The following TMEM100 variants were observed in gnomAD, a reference collection of about 807,000 sequenced individuals.
The protein encoded by TMEM100 is transmembrane protein 100.
For synonymous variants in TMEM100, 61 were observed against 67.1 expected, an observed-to-expected ratio of 0.91 and a Z score of 0.44; for missense variants, 137 against 168.2, an observed-to-expected ratio of 0.81 and a Z score of 1.02.
rs760927413 is a variant in TMEM100, at chr17:55,721,122, C to T, written c.-52G>A. 16 of 1,538,672 alleles carry T rather than the reference C, an allele frequency of 1.0e-5. No individual in the cohort carries two copies. Among genetic ancestry groups the T allele is most frequent in the East Asian group, 9.0e-5 (4 of 44,338 alleles). On this transcript the variant is annotated 5_prime_UTR_variant, in exon 2 of 2. Transcript: ENST00000424486. ...TTTACAGACTAGATCTGGACAGTCT[C>T]ACCAGGGTGAAAGCTGTGAAGATAA...
upstream of TMEM100, among the ~76,000 whole-genome samples, chr17:55,726,483 C>T (rs888870839): frequency 6.6e-6 from 1 of 152,208 alleles, no homozygotes; most frequent in African/African-American, 2.4e-5. Flanking sequence ...CTGGCAATTT[C>T]TCCTCTGGGA....
intron 1 of TMEM100, among the ~76,000 whole-genome samples, chr17:55,729,975 T>C (rs1909164406): frequency 6.6e-6 from 1 of 152,212 alleles, no homozygotes; most frequent in Non-Finnish European, 1.5e-5. Flanking sequence ...GTCTTGCCAC[T>C]TCACATATGG....
chr17:55,724,031 A>G (rs1377246304), upstream of TMEM100, among the ~76,000 whole-genome samples: 1 of 152,240 alleles, frequency 6.6e-6, no homozygotes, highest in African/African-American at 2.4e-5. Flanking sequence ...TTAAAAGTTT[A>G]CATCCTCCAT....
In TMEM100 at chr17:55,721,023, G is replaced by A; in HGVS notation, c.48C>T (p.His16=). The change falls in exon 2 of 2, where the codon CAC becomes CAT. Residue 16 remains histidine (H), a synonymous_variant. Coordinates refer to ENST00000424486, the MANE Select transcript of TMEM100 (RefSeq NM_018286.3). ...GGCTCTTCTCCATCGTCGCTGCCATGTGAGCCTTTGGGGCTCCCAGGATCT... is the reference window on the plus strand; with the variant it reads ...GGCTCTTCTCCATCGTCGCTGCCATATGAGCCTTTGGGGCTCCCAGGATCT... ...IKEILGAPKA[H]MAATMEKSPK... 1 of 1,613,970 alleles carries A rather than the reference G, an allele frequency of 6.2e-7. No individual in the cohort carries two copies. The highest frequency in any genetic ancestry group is 8.5e-7 in the Non-Finnish European group (1 of 1,179,934).
chr17:55,721,352 A>G (rs955612058), intron 1 of TMEM100: 2 of 379,504 alleles, frequency 5.3e-6, no homozygotes, highest in Non-Finnish European at 9.4e-6. Flanking sequence ...AGCAGGAAGC[A>G]CTTACAGTGT....
chr17:55,731,374 T>C (rs1567924600), intron 1 of TMEM100, among the ~76,000 whole-genome samples: 3 of 152,188 alleles, frequency 2.0e-5, no homozygotes, highest in Non-Finnish European at 2.9e-5. Flanking sequence ...CAATTAAAAT[T>C]AGCCATTAAC....
chr17:55,721,173 G>C (rs1908874366), intron 1 of TMEM100, 38 bp from the exon 2 acceptor site: 3 of 1,352,052 alleles, frequency 2.2e-6, no homozygotes, highest in Middle Eastern at 4.9e-4. Context: ...ACATGTATCA[G>C]AATGTACACC....
chr17:55,731,214 A>T (rs1909197570), intron 1 of TMEM100, among the ~76,000 whole-genome samples: 1 of 152,124 alleles, frequency 6.6e-6, no homozygotes, highest in Admixed American at 6.6e-5. Flanking sequence ...AGTTTGCAAA[A>T]CTTTCTTTAC....
At chr17:55,727,105 T>A (rs1428166300), upstream of TMEM100, among the ~76,000 whole-genome samples, 2 of 152,088 alleles carry the variant, frequency 1.3e-5, no homozygotes, top group Admixed American at 6.6e-5. Flanking sequence ...CACATAAACA[T>A]AAAAAAATAG....
At position 55,720,610 on chromosome 17, in the gene TMEM100, T is replaced by C; in HGVS notation, c.*56A>G. ...CCACCATGGTTCTGGGTGAATTGGG[T>C]GACAAAGTCAGAGCACGTTTTCCAG... On this transcript the variant is annotated 3_prime_UTR_variant, in exon 2 of 2. Coordinates refer to ENST00000424486, the MANE Select transcript of TMEM100 (RefSeq NM_018286.3). 6.5e-7 allele frequency: 1 copy of C among 1,531,182 alleles called. No homozygotes were observed. The allele number at this position is 1,531,182 out of a possible 1,614,324, so 94.8% of individuals were successfully genotyped here.
At chr17:55,721,487 A>G (rs1908885932) in intron 1 of TMEM100, 1 of 165,096 alleles carries the variant, frequency 6.1e-6, no homozygotes, top group Non-Finnish European at 1.3e-5. Context: ...TCAAGAGGAG[A>G]ATACATTACA....
intron 1 of TMEM100, among the ~76,000 whole-genome samples, chr17:55,731,511 GAAAAAAAAATCCT>G (rs977654380): frequency 6.6e-6 from 1 of 150,718 alleles, no homozygotes; most frequent in African/African-American, 2.4e-5. Flanking sequence ...TCTTTTCTTA[GAAAAAAAAATCCT>G]ATCTGGGCTC....
rs759255007 is a variant in TMEM100, at chr17:55,721,080, A to G, written c.-10T>C. On this transcript the variant is annotated 5_prime_UTR_variant, in exon 2 of 2. Transcript: ENST00000424486. ...TGGGCTCTTCAGTCATTTTTACAAC[A>G]GTGCTTCTAAGCTGGGTTTACAGAC... 5.0e-6 allele frequency: 8 copies of G among 1,597,800 alleles called. No homozygotes were observed. The African/African-American group carries it at 9.4e-5, about 19-fold the overall frequency.
upstream of TMEM100, among the ~76,000 whole-genome samples, chr17:55,727,422 T>G (rs1909099897): frequency 6.6e-6 from 1 of 152,172 alleles, no homozygotes. Context: ...TTCTGGGGCT[T>G]GCAGGAAACA....
upstream of TMEM100, among the ~76,000 whole-genome samples, chr17:55,723,426 G>A (rs1206380881): frequency 2.6e-5 from 4 of 152,204 alleles, no homozygotes; most frequent in African/African-American, 7.2e-5. Flanking sequence ...AAGGGGGAAA[G>A]CCAGTTATAT....
At position 55,720,473 on chromosome 17, in the gene TMEM100, A is replaced by T; in HGVS notation, c.*193T>A. On this transcript the variant is annotated 3_prime_UTR_variant, in exon 2 of 2. Transcript: ENST00000424486. ...TTTTTCAGTCTCAGAAGTAGCCCTT[A>T]GGGTTAAGTTTGTCGTTAAAGAAGA... The T allele has an allele frequency of 1.5e-6, 1 of 686,846 alleles. No individual in the cohort carries two copies. The highest frequency in any genetic ancestry group is 2.3e-6 in the Non-Finnish European group (1 of 427,078). 42.5% of individuals were successfully genotyped at this position (686,846 alleles called of 1,614,324 possible). A position where few individuals can be genotyped will look rare whatever the true frequency, so the allele number is the denominator to read the frequency against.
chr17:55,728,129 CA>C (rs1909117660), intron 1 of TMEM100: 1 of 152,222 alleles, frequency 6.6e-6, no homozygotes, highest in African/African-American at 2.4e-5. Flanking sequence ...CACATTAACA[CA>C]AGCATCTAAC....
upstream of TMEM100, among the ~76,000 whole-genome samples, chr17:55,723,407 T>C (rs1908971980): frequency 6.6e-6 from 1 of 152,152 alleles, no homozygotes; most frequent in African/African-American, 2.4e-5. Flanking sequence ...GGCACAAATG[T>C]TTGTGGTTAA....
chr17:55,728,404 T>C (rs912566470), intron 1 of TMEM100, among the ~76,000 whole-genome samples: 8 of 152,320 alleles, frequency 5.3e-5, no homozygotes, highest in African/African-American at 1.9e-4. Context: ...TTAAGCCATG[T>C]ATTTTGCCTT....
Sources: allele counts gnomAD v4.1 joint callset (sites outside exome capture counted in the v4.1 genomes callset), GRCh38; gene constraint gnomAD v4.1.1; transcripts MANE v1.5; gene names NCBI Gene and HGNC (gene_info 2026-07-23, HGNC 2026-07-21).